Variants in CD2AP observed in about 807,000 individuals in gnomAD.
CD2AP encodes CD2 associated protein, also known as CD2-associated protein.
Under a neutral mutation model 85.1 loss-of-function variants are expected in CD2AP, and 46 were observed. The ratio of observed to expected loss-of-function variants is 0.54; its 90% CI spans 0.43 to 0.69. CD2AP has a LOEUF of 0.69. Ranked by LOEUF, CD2AP falls within the 30% of genes least tolerant of loss-of-function variation. The probability of loss-of-function intolerance (pLI) is 0.00; values close to 1 mark genes in which losing one functional copy is unlikely to be tolerated. For missense variants in CD2AP, 769 were observed against 729.5 expected (o/e 1.05, Z -0.62); for synonymous variants, 255 against 252.9 (o/e 1.01, Z -0.08).
At chr6:47,595,192 T>C (rs545176092) in intron 11 of CD2AP, among the ~76,000 whole-genome samples, 31 of 152,046 alleles carry the variant, frequency 2.0e-4, no homozygotes, top group Admixed American at 1.6e-3. Flanking sequence ...ATTGTCTTTA[T>C]TGACATAGTA....
intron 8 of CD2AP, among the ~76,000 whole-genome samples, chr6:47,578,430 T>C (rs1364089949): frequency 6.6e-6 from 1 of 152,078 alleles, no homozygotes; most frequent in Non-Finnish European, 1.5e-5. Context: ...AGGCTGGTGT[T>C]GCAAACTCCT....
intron 4 of CD2AP, 124 bp downstream of exon 4, chr6:47,544,830 A>G (rs1767324686): frequency 1.5e-6 from 1 of 675,532 alleles, no homozygotes; most frequent in African/African-American, 1.8e-5. Context: ...AAAAAATGGT[A>G]TAGAGTTTCT....
intron 11 of CD2AP, among the ~76,000 whole-genome samples, chr6:47,589,551 TAC>T (rs112763182): frequency 5.3e-5 from 7 of 130,886 alleles, no homozygotes; most frequent in African/African-American, 8.3e-5. Flanking sequence ...CACATATATA[TAC>T]ACACACACAC....
At chr6:47,493,075 A>G (rs1388412134) in intron 1 of CD2AP, among the ~76,000 whole-genome samples, 1 of 152,178 alleles carries the variant, frequency 6.6e-6, no homozygotes, top group Non-Finnish European at 1.5e-5. Flanking sequence ...TAATCATGCA[A>G]TACATTGTTA....
intron 3 of CD2AP, among the ~76,000 whole-genome samples, chr6:47,542,749 C>G (rs1225434879): frequency 6.6e-6 from 1 of 152,110 alleles, no homozygotes; most frequent in African/African-American, 2.4e-5. Context: ...TATCAGATAC[C>G]TAGAATAAGC....
At chr6:47,606,849 G>C (rs1769289676) in intron 14 of CD2AP, among the ~76,000 whole-genome samples, 1 of 151,886 alleles carries the variant, frequency 6.6e-6, no homozygotes, top group African/African-American at 2.4e-5. Flanking sequence ...TTATTTTTAA[G>C]TGTACAATTA....
intron 11 of CD2AP, among the ~76,000 whole-genome samples, chr6:47,594,776 T>C (rs1768894714): frequency 6.6e-6 from 1 of 152,138 alleles, no homozygotes; most frequent in South Asian, 2.1e-4. Flanking sequence ...TTTCATATGA[T>C]TCAAAGTATT....
intron 12 of CD2AP, among the ~76,000 whole-genome samples, chr6:47,598,037 C>T (rs1489196367): frequency 1.3e-5 from 2 of 150,676 alleles, no homozygotes; most frequent in African/African-American, 2.4e-5. Flanking sequence ...TAAAACATCA[C>T]CAATAAACTT....
chr6:47,511,399 A>G (rs990610849), intron 2 of CD2AP, among the ~76,000 whole-genome samples: 2 of 152,222 alleles, frequency 1.3e-5, no homozygotes, highest in Non-Finnish European at 2.9e-5. Flanking sequence ...GAAGAGGCAA[A>G]GGAGACATAA....
chr6:47,522,303 A>G (rs1289180660), intron 2 of CD2AP, among the ~76,000 whole-genome samples: 1 of 152,210 alleles, frequency 6.6e-6, no homozygotes, highest in African/African-American at 2.4e-5. Context: ...GCTGTACTTA[A>G]AAGAGTGTTA....
chr6:47,621,578 C>A (rs1769747082), intron 17 of CD2AP, among the ~76,000 whole-genome samples: 1 of 152,132 alleles, frequency 6.6e-6, no homozygotes, highest in Non-Finnish European at 1.5e-5. Context: ...AGGGAGGGTT[C>A]CTTCTTTCTC....
chr6:47,620,133 C>T (rs765352087), intron 17 of CD2AP, among the ~76,000 whole-genome samples: 20 of 152,150 alleles, frequency 1.3e-4, no homozygotes, highest in Non-Finnish European at 2.8e-4. Context: ...GAAATCCTTG[C>T]CTGTGCCAAT....
At chr6:47,482,600 G>T (rs1160403121) in intron 1 of CD2AP, among the ~76,000 whole-genome samples, 2 of 151,962 alleles carry the variant, frequency 1.3e-5, no homozygotes, top group Non-Finnish European at 2.9e-5. Flanking sequence ...GGATGGTCTC[G>T]ATCTCCTGAC....
chr6:47,622,073 A>C (rs888637721), intron 17 of CD2AP, among the ~76,000 whole-genome samples: 1 of 152,282 alleles, frequency 6.6e-6, no homozygotes, highest in Admixed American at 6.5e-5. Flanking sequence ...TTGTGTAGCT[A>C]GGAGGAATAT....
intron 1 of CD2AP, 131 bp from the exon 2 acceptor site, chr6:47,503,146 AATC>A (rs1338894832): frequency 3.6e-6 from 3 of 835,018 alleles, no homozygotes; most frequent in Non-Finnish European, 5.7e-6. Flanking sequence ...AAGTAATTGA[AATC>A]AGCCTTGCTG....
At chr6:47,574,693 T>A (rs1219791853) in intron 6 of CD2AP, among the ~76,000 whole-genome samples, 1 of 151,790 alleles carries the variant, frequency 6.6e-6, no homozygotes, top group Non-Finnish European at 1.5e-5. Context: ...CTACTTAAAT[T>A]TCCTCTAGAT....
chr6:47,608,656 T>A (rs1769340031), intron 15 of CD2AP, among the ~76,000 whole-genome samples: 1 of 152,194 alleles, frequency 6.6e-6, no homozygotes, highest in African/African-American at 2.4e-5. Context: ...AGTGACTTTC[T>A]ATTTTTTTAG....
chr6:47,571,066 G>A (rs1434755275), intron 5 of CD2AP, among the ~76,000 whole-genome samples: 6 of 151,784 alleles, frequency 4.0e-5, no homozygotes, highest in African/African-American at 1.2e-4. Flanking sequence ...CTCAAACTGT[G>A]AAAATTGTAC....
At chr6:47,532,694 T>A (rs892515745) in intron 2 of CD2AP, among the ~76,000 whole-genome samples, 2 of 152,208 alleles carry the variant, frequency 1.3e-5, no homozygotes, top group Admixed American at 1.3e-4. Flanking sequence ...AAAAACTCCC[T>A]CCGCTTTCTT....
Sources: gnomAD v4.1 joint callset for allele counts (sites outside exome capture counted in the v4.1 genomes callset) on GRCh38, gnomAD v4.1.1 for gene constraint, MANE v1.5 for transcripts, NCBI Gene and HGNC (gene_info 2026-07-23, HGNC 2026-07-21) for gene names.